KIF14: variants seen among roughly 807,000 people sequenced by gnomAD.
The protein encoded by KIF14 is kinesin family member 14.
Under a neutral mutation model 176.2 loss-of-function variants are expected in KIF14, and 98 were observed. The ratio of observed to expected loss-of-function variants is 0.56; its 90% CI spans 0.47 to 0.66. The LOEUF is 0.66. Ranked by LOEUF, KIF14 falls within the 30% of genes least tolerant of loss-of-function variation. KIF14 has a pLI of 0.00. For missense variants in KIF14, 1,751 were observed against 1,920.4 expected (o/e 0.91, Z 1.65); for synonymous variants, 566 against 632.2 (o/e 0.90, Z 1.57).
intron 5 of KIF14, 92 bp from the exon 6 acceptor site, chr1:200,606,890 T>C: frequency 9.5e-7 from 1 of 1,053,434 alleles, no homozygotes; most frequent in Non-Finnish European, 1.5e-6. Flanking sequence ...GAGTTTAAGG[T>C]AAGAGATTTG....
rs1355646656 is a variant in KIF14 at position 200,618,814 on chromosome 1, T to C, written c.-91A>G. ...TTGATTTCCAGCCATTTCTTATGTA[T>C]CCATTTCTGAAAGTATCTGCTAAAC... On this transcript the variant is annotated 5_prime_UTR_variant, in exon 2 of 30. Coordinates refer to ENST00000367350, the MANE Select transcript of KIF14 (RefSeq NM_014875.3). The C allele has an allele frequency of 9.2e-7, 1 of 1,084,204 alleles. No individual in the cohort carries two copies. Among genetic ancestry groups the C allele is most frequent in the Middle Eastern group, 2.1e-4 (1 of 4,662 alleles). The allele number at this position is 1,084,204 out of a possible 1,614,324, so 67.2% of individuals were successfully genotyped here.
At chr1:200,587,630 T>C (rs1325195191) in intron 18 of KIF14, among the ~76,000 whole-genome samples, 1 of 151,988 alleles carries the variant, frequency 6.6e-6, no homozygotes, top group Non-Finnish European at 1.5e-5. Flanking sequence ...TTGGCCAACA[T>C]GGTGAAACCC....
Position 200,560,741 on chromosome 1 carries a change from T to C in KIF14, c.4211A>G (p.Asn1404Ser), listed in dbSNP as rs373508414. The change falls in exon 26 of 30, where the codon AAT becomes AGT. Residue 1404 changes from asparagine to serine, a missense_variant. Coordinates refer to ENST00000367350, the MANE Select transcript of KIF14 (RefSeq NM_014875.3). ...SKLHFLENGN[N>S]KAASVQEEFM... ...AATTACCTGGACACTGGCAGCTTTA[T>C]TGTTACCGTTTTCTAGAAAATGTAG... 1.2e-6 allele frequency: 2 copies of C among 1,614,114 alleles called. No individual in the cohort carries two copies. Among genetic ancestry groups the C allele is most frequent in the African/African-American group, 1.3e-5 (1 of 74,958 alleles).
chr1:200,587,674 G>A (rs1241420344), intron 18 of KIF14, among the ~76,000 whole-genome samples: 1 of 152,050 alleles, frequency 6.6e-6, no homozygotes, highest in Non-Finnish European at 1.5e-5. Flanking sequence ...AAATTAGCCG[G>A]GCGTAGTGGC....
chr1:200,553,333 A>G lies in KIF14; in HGVS notation c.*55T>C, dbSNP rs772763204. 39 of 1,503,574 alleles carry G rather than the reference A, an allele frequency of 2.6e-5. No homozygotes were observed. Among genetic ancestry groups the G allele is most frequent in the Non-Finnish European group, 3.3e-5 (37 of 1,123,036 alleles). 93.1% of individuals were successfully genotyped at this position (1,503,574 alleles called of 1,614,324 possible). A position where few individuals can be genotyped will look rare whatever the true frequency, so the allele number is the denominator to read the frequency against. On this transcript the variant is annotated 3_prime_UTR_variant, in exon 30 of 30. Coordinates refer to ENST00000367350, the MANE Select transcript of KIF14 (RefSeq NM_014875.3). ...CTCTCCTGCATAAAGAAAATTACCG[A>G]GCAAGTGTTCTTTTTCTTTCATGGG...
In KIF14 at chr1:200,580,317, G is replaced by A. The variant is rs755916750; in HGVS notation, c.3402C>T (p.Ile1134=). Residue 1134 remains isoleucine, a synonymous_variant, in exon 21 of 30, where the codon ATC becomes ATT. Coordinates refer to ENST00000367350, the MANE Select transcript of KIF14 (RefSeq NM_014875.3). ...ACTTTTCCAGACTCCAGAATGTTGA[G>A]ATTCCTAGTTTCAGGTTACGAACCC... ...SIRVRNLKLG[I]STFWSLEKFE... is the part of the protein sequence containing the mutation. The A allele has an allele frequency of 3.3e-6, 5 of 1,529,700 alleles. No individual in the cohort carries two copies. Among genetic ancestry groups the A allele is most frequent in the Non-Finnish European group, 4.4e-6 (5 of 1,132,168 alleles). The allele number at this position is 1,529,700 out of a possible 1,614,324, so 94.8% of individuals were successfully genotyped here. A position where few individuals can be genotyped will look rare whatever the true frequency, so the allele number is the denominator to read the frequency against.
intron 14 of KIF14, among the ~76,000 whole-genome samples, chr1:200,596,247 T>C (rs796968462): frequency 4.6e-5 from 7 of 152,096 alleles, no homozygotes; most frequent in African/African-American, 1.7e-4. Context: ...AACTCTGAAA[T>C]CAAAAAATAA....
At chr1:200,595,184 T>C (rs1423607218) in intron 14 of KIF14, among the ~76,000 whole-genome samples, 1 of 152,230 alleles carries the variant, frequency 6.6e-6, no homozygotes, top group Non-Finnish European at 1.5e-5. Flanking sequence ...AGGCCCAATT[T>C]AGAGTCCTCT....
At chr1:200,610,276 G>A (rs1450204583) in intron 4 of KIF14, among the ~76,000 whole-genome samples, 1 of 152,120 alleles carries the variant, frequency 6.6e-6, no homozygotes, top group Non-Finnish European at 1.5e-5. Context: ...CAAGGCAGGT[G>A]GATTACGAGG....
intron 27 of KIF14, among the ~76,000 whole-genome samples, chr1:200,557,218 G>A (rs944159674): frequency 1.3e-5 from 2 of 152,092 alleles, no homozygotes; most frequent in African/African-American, 4.8e-5. Flanking sequence ...TGGCCAGGAT[G>A]GTCTCGATCT....
At chr1:200,554,972 C>G (rs1393692222) in intron 28 of KIF14, among the ~76,000 whole-genome samples, 1 of 152,120 alleles carries the variant, frequency 6.6e-6, no homozygotes, top group Non-Finnish European at 1.5e-5. Flanking sequence ...AGCAATTACT[C>G]TCCTTTTTAA....
Position 200,554,498 on chromosome 1 carries a change from C to T in KIF14, c.4537G>A (p.Ala1513Thr). The change falls in exon 29 of 30, where the codon GCT becomes ACT. Residue 1513 changes from alanine to threonine, a missense_variant. Coordinates refer to ENST00000367350, the MANE Select transcript of KIF14 (RefSeq NM_014875.3). ...AGTGCAGAAATAATAATTTCAATAGCTTTCTCTAAGCAATGTTTTAACTTT... is the reference window on the plus strand; with the variant it reads ...AGTGCAGAAATAATAATTTCAATAGTTTTCTCTAAGCAATGTTTTAACTTT... ...FLKLKHCLEK[A>T]IEIIISALKG... is the part of the protein sequence containing the mutation. 1 of 1,537,732 alleles carries T rather than the reference C, an allele frequency of 6.5e-7. No homozygotes were observed. The highest frequency in any genetic ancestry group is 1.2e-5 in the South Asian group (1 of 86,920).
rs1659564920 is a variant in KIF14, at chr1:200,600,373, G to A, written c.2283C>T (p.Asp761=). 6.2e-7 allele frequency: 1 copy of A among 1,613,588 alleles called. No individual in the cohort carries two copies. Among genetic ancestry groups the A allele is most frequent in the Non-Finnish European group, 8.5e-7 (1 of 1,179,738 alleles). The change falls in exon 12 of 30, where the codon GAC becomes GAT. Residue 761 remains aspartate (D), a synonymous_variant. Coordinates refer to ENST00000367350, the MANE Select transcript of KIF14 (RefSeq NM_014875.3). ...TACTCTACCTTTGCATTTCTGCCAT[G>A]TCTCTCTCCTGTTGATGCAGTTTCA... ...LRMKLHQQER[D]MAEMQRVWKE... is the part of the protein sequence containing the mutation.
At chr1:200,619,877 A>G (rs918135610) in intron 1 of KIF14, among the ~76,000 whole-genome samples, 8 of 152,250 alleles carry the variant, frequency 5.3e-5, no homozygotes, top group Non-Finnish European at 8.8e-5. Flanking sequence ...TCTATCAGGT[A>G]TTAACGTTTT....
In KIF14 at chr1:200,559,427, T is replaced by C. The variant is rs369259930; in HGVS notation, c.4256A>G (p.Asp1419Gly). 367 of 1,550,426 alleles carry C rather than the reference T, an allele frequency of 2.4e-4. No homozygotes were observed. The highest frequency in any genetic ancestry group is 3.1e-4 in the Non-Finnish European group (359 of 1,150,198). ...VQEEFMDAVC[D>G]GVGLGMKILL... ...AATCTTCATTCCTAAGCCTACACCA[T>C]CACAAACAGCATCCATGAATTCCTC... Residue 1419 changes from aspartate (D) to glycine (G), a missense_variant, in exon 27 of 30, where the codon GAT (aspartate) becomes GGT (glycine). Coordinates refer to ENST00000367350, the MANE Select transcript of KIF14 (RefSeq NM_014875.3).
Position 200,615,241 on chromosome 1 carries a change from T to G in KIF14, c.1367+114A>C, listed in dbSNP as rs552484752. ...AACTGGTATATAAAATGGATGAGAT[T>G]TGGGCCAAGATCTGTGTGATTTCAA... is the stretch of plus-strand genomic sequence containing the variant. On this transcript the variant is annotated intron_variant, in intron 3 of 29. Coordinates refer to ENST00000367350, the MANE Select transcript of KIF14 (RefSeq NM_014875.3). The G allele has an allele frequency of 3.5e-6, 4 of 1,131,776 alleles. No individual in the cohort carries two copies. In the South Asian group the frequency reaches 4.7e-5, roughly 13 times the overall value. The allele number at this position is 1,131,776 out of a possible 1,614,324, so 70.1% of individuals were successfully genotyped here.
chr1:200,557,799 C>T (rs1314440700), intron 27 of KIF14, among the ~76,000 whole-genome samples: 3 of 152,122 alleles, frequency 2.0e-5, no homozygotes, highest in Non-Finnish European at 4.4e-5. Context: ...GGGACAGAAG[C>T]CAATAGTCCT....
At chr1:200,589,771 C>A (rs1269194528) in intron 17 of KIF14, among the ~76,000 whole-genome samples, 3 of 148,818 alleles carry the variant, frequency 2.0e-5, no homozygotes, top group African/African-American at 7.5e-5. Context: ...CCTAGCTCAG[C>A]CTTCTGAGTA....
At chr1:200,589,135 A>C in intron 18 of KIF14, 82 bp downstream of exon 18, 1 of 1,161,416 alleles carries the variant, frequency 8.6e-7, no homozygotes, top group Non-Finnish European at 1.2e-6. Flanking sequence ...CTCTTCTGTC[A>C]ACATACCATA....
Sources: allele counts gnomAD v4.1 joint callset (sites outside exome capture counted in the v4.1 genomes callset), GRCh38; gene constraint gnomAD v4.1.1; transcripts MANE v1.5; gene names NCBI Gene and HGNC (gene_info 2026-07-23, HGNC 2026-07-21).